The following PGCKA1 variants were observed in gnomAD, a reference collection of about 807,000 sequenced individuals.
PGCKA1 encodes PDCD10 and GCKIII kinases associated 1.
At chr4:37,527,893 A>G in the PGCKA1 span, among the ~76,000 whole-genome samples, 1 of 152,172 alleles carries the variant, frequency 6.6e-6, no homozygotes, top group Non-Finnish European at 1.5e-5. Context: ...CGCACCATAC[A>G]GATGTGTATC....
At chr4:37,484,974 G>A in the PGCKA1 span, among the ~76,000 whole-genome samples, 1 of 152,184 alleles carries the variant, frequency 6.6e-6, no homozygotes, top group Non-Finnish European at 1.5e-5. Flanking sequence ...GTATGGATGT[G>A]TTATATCCAC....
At chr4:37,459,343 A>T in the PGCKA1 span, among the ~76,000 whole-genome samples, 1 of 152,182 alleles carries the variant, frequency 6.6e-6, no homozygotes, top group Non-Finnish European at 1.5e-5. Context: ...GGATGAAGTG[A>T]TGAGTTCAGG....
At chr4:37,586,493 C>T in the PGCKA1 span, among the ~76,000 whole-genome samples, 2 of 152,254 alleles carry the variant, frequency 1.3e-5, no homozygotes, top group African/African-American at 4.8e-5. Flanking sequence ...CTTCTACATT[C>T]CATGAGTCCT....
At chr4:37,561,563 AG>A in the PGCKA1 span, among the ~76,000 whole-genome samples, 1 of 152,174 alleles carries the variant, frequency 6.6e-6, no homozygotes, top group Non-Finnish European at 1.5e-5. Flanking sequence ...AGGGAAAGAA[AG>A]GGGGGACAAT....
chr4:37,571,355 C>CATTTTTTTTTT, the PGCKA1 span, among the ~76,000 whole-genome samples: 5 of 78,036 alleles, frequency 6.4e-5, no homozygotes, highest in Non-Finnish European at 4.4e-5. Context: ...GACTATTATC[C>CATTTTTTTTTT]TTTTTTTTTT....
At chr4:37,567,203 T>C in the PGCKA1 span, among the ~76,000 whole-genome samples, 1 of 152,232 alleles carries the variant, frequency 6.6e-6, no homozygotes, top group Non-Finnish European at 1.5e-5. Flanking sequence ...AAGCAAGTTA[T>C]ATAACCTCCC....
the PGCKA1 span, among the ~76,000 whole-genome samples, chr4:37,535,468 G>A: frequency 2.0e-5 from 3 of 152,092 alleles, no homozygotes; most frequent in Admixed American, 2.0e-4. Flanking sequence ...ATGGAGTGGG[G>A]GGCCACAGTG....
At chr4:37,502,530 G>A in the PGCKA1 span, among the ~76,000 whole-genome samples, 26,051 of 152,186 alleles carry the variant, frequency 0.17, 2,898 homozygotes, top group Non-Finnish European at 0.25. Context: ...GGGGGTGGCA[G>A]GCCCTGTGCT....
At chr4:37,506,276 A>T in the PGCKA1 span, among the ~76,000 whole-genome samples, 1 of 151,300 alleles carries the variant, frequency 6.6e-6, no homozygotes, top group Non-Finnish European at 1.5e-5. Context: ...CTTCAACTTC[A>T]TTTATTTCTG....
chr4:37,587,239 A>C, the PGCKA1 span, among the ~76,000 whole-genome samples: 1 of 152,096 alleles, frequency 6.6e-6, no homozygotes, highest in Non-Finnish European at 1.5e-5. Context: ...TTTAGAGTCC[A>C]CCCAGATAAA....
chr4:37,478,073 C>T, the PGCKA1 span, among the ~76,000 whole-genome samples: 15 of 151,764 alleles, frequency 9.9e-5, no homozygotes, highest in African/African-American at 3.1e-4. Context: ...TTTCCAAAGG[C>T]GATTTCCAGT....
At chr4:37,494,462 C>T in the PGCKA1 span, among the ~76,000 whole-genome samples, 1 of 152,114 alleles carries the variant, frequency 6.6e-6, no homozygotes, top group Non-Finnish European at 1.5e-5. Context: ...GATATTGTTC[C>T]TTTTTACACT....
the PGCKA1 span, among the ~76,000 whole-genome samples, chr4:37,463,742 C>T: frequency 6.6e-6 from 1 of 151,814 alleles, no homozygotes; most frequent in Non-Finnish European, 1.5e-5. Flanking sequence ...TTCTTAATAC[C>T]CTCTGCCTTT....
chr4:37,458,041 T>C, the PGCKA1 span, among the ~76,000 whole-genome samples: 1 of 152,226 alleles, frequency 6.6e-6, no homozygotes, highest in Non-Finnish European at 1.5e-5. Context: ...GAAGAAGTAC[T>C]GCCTTTTGGT....
At chr4:37,564,717 G>T in the PGCKA1 span, among the ~76,000 whole-genome samples, 2 of 152,188 alleles carry the variant, frequency 1.3e-5, no homozygotes, top group South Asian at 4.2e-4. Flanking sequence ...AAGTTGGCCA[G>T]GCTGGTCTCG....
the PGCKA1 span, among the ~76,000 whole-genome samples, chr4:37,567,067 AAAAT>A: frequency 6.7e-6 from 1 of 149,142 alleles, no homozygotes; most frequent in African/African-American, 2.5e-5. Context: ...CGGACAAAAA[AAAAT>A]AAAATAAAAT....
chr4:37,550,812 C>A, the PGCKA1 span, among the ~76,000 whole-genome samples: 9 of 152,230 alleles, frequency 5.9e-5, no homozygotes, highest in Admixed American at 1.3e-4. Flanking sequence ...AACAGGAGAT[C>A]AATGGCCATG....
chr4:37,584,564 GCCTAAAAGC>G, the PGCKA1 span, among the ~76,000 whole-genome samples: 1 of 152,214 alleles, frequency 6.6e-6, no homozygotes, highest in South Asian at 2.1e-4. Flanking sequence ...AAGGAGGGGA[GCCTAAAAGC>G]CGCAAATGAT....
the PGCKA1 span, among the ~76,000 whole-genome samples, chr4:37,543,335 CTG>C: frequency 6.6e-6 from 1 of 152,170 alleles, no homozygotes; most frequent in Non-Finnish European, 1.5e-5. Flanking sequence ...AATTTTATAA[CTG>C]TGTAAATACT....
Sources: allele counts gnomAD v4.1 joint callset (sites outside exome capture counted in the v4.1 genomes callset), GRCh38; gene constraint gnomAD v4.1.1; transcripts MANE v1.5; gene names NCBI Gene and HGNC (gene_info 2026-07-23, HGNC 2026-07-21).